The following ASCC3 variants were observed in gnomAD, a reference collection of about 807,000 sequenced individuals.
ASCC3 encodes the protein ASC-1 complex subunit P200.
Under a neutral mutation model 256.3 loss-of-function variants are expected in ASCC3, and 158 were observed. The ratio of observed to expected loss-of-function variants is 0.62; its 90% CI spans 0.54 to 0.70. The LOEUF is 0.70. Among genes scored for constraint, ASCC3 ranks in the 30% least tolerant of loss-of-function variants. The pLI, the probability that ASCC3 is intolerant of heterozygous loss-of-function variation, is 0.00. For synonymous variants in ASCC3, 948 were observed against 883.4 expected (o/e 1.07, Z -1.30); for missense variants, 2,259 against 2,626.0 (o/e 0.86, Z 3.05).
chr6:100,759,364 G>A lies in ASCC3; in HGVS notation c.1737+7201C>T, dbSNP rs187034953. On this transcript the variant is annotated intron_variant, in intron 10 of 41. Transcript: ENST00000369162. ...CTAGGTTTTCTTCTAGAGTTTTTATGGTTTTGGGTTTTAAATTCAAATATT... is the reference window on the plus strand; with the variant it reads ...CTAGGTTTTCTTCTAGAGTTTTTATAGTTTTGGGTTTTAAATTCAAATATT... Among the ~76,000 whole-genome samples, 184 of 152,160 alleles carry A rather than the reference G, an allele frequency of 1.2e-3. 1 individual carries two copies. Among genetic ancestry groups the A allele is most frequent in the Non-Finnish European group, 1.9e-3 (126 of 67,978 alleles).
At chr6:100,596,374 G>A (rs1772297581) in intron 34 of ASCC3, among the ~76,000 whole-genome samples, 3 of 152,054 alleles carry the variant, frequency 2.0e-5, no homozygotes, top group African/African-American at 7.2e-5. Flanking sequence ...TCTTTTTTAT[G>A]AAATACTTAT....
At chr6:100,840,755 A>G (rs1434927025) in intron 4 of ASCC3, among the ~76,000 whole-genome samples, 1 of 152,036 alleles carries the variant, frequency 6.6e-6, no homozygotes, top group African/African-American at 2.4e-5. Context: ...TAAAAGATAT[A>G]TACTCCAAAA....
At chr6:100,554,803 A>C (rs1038085217) in intron 36 of ASCC3, among the ~76,000 whole-genome samples, 2 of 152,098 alleles carry the variant, frequency 1.3e-5, no homozygotes, top group Non-Finnish European at 1.5e-5. Context: ...CTAGGTCCAG[A>C]TATATCAACG....
intron 38 of ASCC3, among the ~76,000 whole-genome samples, chr6:100,517,756 A>G (rs1298966768): frequency 1.3e-5 from 2 of 152,164 alleles, no homozygotes; most frequent in East Asian, 3.9e-4. Context: ...CAATGCTTCA[A>G]ATGGAAAATG....
chr6:100,587,803 C>T (rs1231885237), intron 36 of ASCC3, among the ~76,000 whole-genome samples: 6 of 152,280 alleles, frequency 3.9e-5, no homozygotes, highest in Admixed American at 2.6e-4. Context: ...AAACATGCTG[C>T]TGACAGGATG....
At chr6:100,522,577 A>G (rs1297625988) in intron 37 of ASCC3, among the ~76,000 whole-genome samples, 4 of 151,938 alleles carry the variant, frequency 2.6e-5, no homozygotes, top group African/African-American at 9.7e-5. Flanking sequence ...AATTAAAATG[A>G]ACACGCATGG....
At chr6:100,665,632 C>T (rs143170771) in intron 14 of ASCC3, among the ~76,000 whole-genome samples, 2,128 of 151,384 alleles carry the variant, frequency 0.014, 40 homozygotes, top group African/African-American at 0.049. Context: ...CCCAGTTACT[C>T]GGGAGGCTGA....
At chr6:100,867,161 C>T (rs931499329) in intron 2 of ASCC3, among the ~76,000 whole-genome samples, 13 of 152,144 alleles carry the variant, frequency 8.5e-5, no homozygotes, top group African/African-American at 2.9e-4. Flanking sequence ...CAAAAATGAT[C>T]TTCCAAAGTG....
chr6:100,638,840 A>C lies in ASCC3; in HGVS notation c.3902-19T>G. The C allele has an allele frequency of 6.3e-7, 1 of 1,597,934 alleles. No individual in the cohort carries two copies. Among genetic ancestry groups the C allele is most frequent in the Non-Finnish European group, 8.6e-7 (1 of 1,165,256 alleles). On this transcript the variant is annotated intron_variant, in intron 24 of 41. Coordinates refer to ENST00000369162, the MANE Select transcript of ASCC3 (RefSeq NM_006828.4). ...AGTAATTCTGAAAAGACCCAACAGG[A>C]TGGCTATACGACAATTGAAAAACAC... is the stretch of plus-strand genomic sequence containing the variant.
At chr6:100,795,648 T>C (rs1485184037) in intron 8 of ASCC3, among the ~76,000 whole-genome samples, 1 of 152,152 alleles carries the variant, frequency 6.6e-6, no homozygotes, top group Non-Finnish European at 1.5e-5. Flanking sequence ...TTTAATGACA[T>C]TAATGGTATT....
At chr6:100,860,492 A>T (rs1401844924) in intron 3 of ASCC3, among the ~76,000 whole-genome samples, 1 of 151,946 alleles carries the variant, frequency 6.6e-6, no homozygotes, top group East Asian at 1.9e-4. Flanking sequence ...CACTTGTAAG[A>T]CATCGTCAGC....
intron 13 of ASCC3, among the ~76,000 whole-genome samples, chr6:100,705,219 G>A (rs565350725): frequency 2.6e-4 from 39 of 152,138 alleles, no homozygotes; most frequent in African/African-American, 6.7e-4. Context: ...ACACATGCCT[G>A]AGTGGAACAC....
In ASCC3 at chr6:100,715,484, T is replaced by C. The variant is rs139534727; in HGVS notation, c.2129A>G (p.Lys710Arg). The C allele has an allele frequency of 3.1e-4, 502 of 1,611,492 alleles. 1 individual carries two copies. In the African/African-American group the frequency reaches 5.5e-3, roughly 18 times the overall value. Reference protein sequence around the residue: ...MDEVCYENVLKQVKAGHQVMV... With the variant: ...MDEVCYENVLRQVKAGHQVMV... ...TACCTGGTGTCCAGCCTTTACTTGC[T>C]TCAAAACATTTTCATAACATACTTC... Residue 710 changes from lysine to arginine, a missense_variant, in exon 13 of 42, where the codon AAG becomes AGG. Transcript: ENST00000369162.
chr6:100,652,553 T>A (rs373710535), intron 18 of ASCC3, among the ~76,000 whole-genome samples, 172 bp downstream of exon 18: 2 of 152,180 alleles, frequency 1.3e-5, no homozygotes, highest in African/African-American at 4.8e-5. Flanking sequence ...GGTTCCTTAG[T>A]ATCTGAAGTT....
intron 25 of ASCC3, among the ~76,000 whole-genome samples, chr6:100,635,241 A>G (rs1305166185): frequency 6.6e-6 from 1 of 152,076 alleles, no homozygotes; most frequent in Non-Finnish European, 1.5e-5. Context: ...CACACACACA[A>G]TGAAATATTA....
chr6:100,561,656 C>G (rs1280743222), intron 36 of ASCC3, among the ~76,000 whole-genome samples: 1 of 152,024 alleles, frequency 6.6e-6, no homozygotes, highest in Non-Finnish European at 1.5e-5. Context: ...AAAAGTAGTT[C>G]CAGGTCACAA....
intron 36 of ASCC3, among the ~76,000 whole-genome samples, chr6:100,548,337 T>C (rs1261196781): frequency 6.6e-6 from 1 of 151,968 alleles, no homozygotes; most frequent in Non-Finnish European, 1.5e-5. Flanking sequence ...TTTTTGTGCT[T>C]GATTGACAGT....
At chr6:100,875,839 G>A (rs896481963) in intron 1 of ASCC3, among the ~76,000 whole-genome samples, 4 of 150,748 alleles carry the variant, frequency 2.7e-5, no homozygotes, top group Admixed American at 1.3e-4. Flanking sequence ...AAGGATAAAC[G>A]CAAAGGGAGA....
intron 10 of ASCC3, among the ~76,000 whole-genome samples, chr6:100,739,484 A>C (rs1168647461): frequency 6.6e-6 from 1 of 152,060 alleles, no homozygotes; most frequent in Non-Finnish European, 1.5e-5. Flanking sequence ...TCCCTCCTTT[A>C]AATTTTTTGA....
Sources: gnomAD v4.1 joint callset for allele counts (sites outside exome capture counted in the v4.1 genomes callset) on GRCh38, gnomAD v4.1.1 for gene constraint, MANE v1.5 for transcripts, NCBI Gene and HGNC (gene_info 2026-07-23, HGNC 2026-07-21) for gene names.